NCKAP5: variants seen among roughly 807,000 people sequenced by gnomAD.
The protein encoded by NCKAP5 is nck-associated protein 5.
NCKAP5 carries 92 observed loss-of-function variants against 167.0 expected under a neutral mutation model. That is an observed-to-expected ratio of 0.55 (90% CI 0.47 to 0.66). The LOEUF is 0.66. NCKAP5 is among the 30% of genes least tolerant of loss of function. NCKAP5 has a pLI of 0.00. For synonymous variants in NCKAP5, 891 were observed against 877.4 expected (o/e 1.02, Z -0.27); for missense variants, 2,378 against 2,315.0 (o/e 1.03, Z -0.56).
chr2:133,208,664 T>C (rs1471316676), intron 5 of NCKAP5, among the ~76,000 whole-genome samples: 1 of 152,192 alleles, frequency 6.6e-6, no homozygotes, highest in Non-Finnish European at 1.5e-5. Context: ...GGATAAAGCA[T>C]GGACTTCATT....
rs1459616292 is a variant in NCKAP5, at chr2:132,784,952, A to G, written c.1859T>C (p.Leu620Pro). The change falls in exon 14 of 20, where the codon CTT becomes CCT. Residue 620 changes from leucine (L) to proline (P), a missense_variant. This residue lies in a region of NCKAP5 where 1,049 missense variants were observed against 1,023.4 expected (regional missense o/e 1.02). Transcript: ENST00000409261. ...TDKSVENLDVLVGFGKSLCGS... is the reference protein window; with the variant it reads ...TDKSVENLDVPVGFGKSLCGS... ...ACATAGAGATTTTCCAAACCCCACA[A>G]GGACATCCAGGTTCTCCACGGACTT... 3 of 1,609,168 alleles carry G rather than the reference A, an allele frequency of 1.9e-6. No homozygotes were observed. Among genetic ancestry groups the G allele is most frequent in the African/African-American group, 1.3e-5 (1 of 74,726 alleles).
In NCKAP5 at chr2:132,845,293, T is replaced by C. The variant is rs77401063; in HGVS notation, c.807+15199A>G. Among the ~76,000 whole-genome samples, 499 of 152,298 alleles carry C rather than the reference T, an allele frequency of 3.3e-3. 2 individuals are homozygous for C. Among genetic ancestry groups the C allele is most frequent in the African/African-American group, 0.011 (455 of 41,566 alleles). ...TAGAATATTTGATCAACCAAAATTT[T>C]AAAATTTTGATTTAGTCAAACAGTC... On this transcript the variant is annotated intron_variant, in intron 11 of 19. Coordinates refer to ENST00000409261, the MANE Select transcript of NCKAP5 (RefSeq NM_207363.3).
At position 133,308,292 on chromosome 2, in the gene NCKAP5, T is replaced by G. The variant is rs181910624; in HGVS notation, c.70-5182A>C. Among the ~76,000 whole-genome samples, 467 of 151,000 alleles carry G rather than the reference T, an allele frequency of 3.1e-3. 3 individuals are homozygous for G. The highest frequency in any genetic ancestry group is 0.011 in the African/African-American group (443 of 41,244). On this transcript the variant is annotated intron_variant, in intron 3 of 19. Coordinates refer to ENST00000409261, the MANE Select transcript of NCKAP5 (RefSeq NM_207363.3). The stretch of plus-strand genomic sequence containing the variant: ...TTTAGTAGAGACGGGGTTTCACCAT[T>G]TTAGCCGGGATGGTCTCGATCTCCT...
chr2:133,124,959 T>C (rs546092745), intron 6 of NCKAP5, among the ~76,000 whole-genome samples: 2 of 152,288 alleles, frequency 1.3e-5, no homozygotes, highest in East Asian at 3.9e-4. Context: ...GGTGTGAGGA[T>C]GGTTTGAGCC....
the NCKAP5 span, among the ~76,000 whole-genome samples, chr2:133,659,011 A>G: frequency 3.3e-4 from 50 of 152,228 alleles, no homozygotes; most frequent in East Asian, 8.3e-3. Context: ...TTAAAAATTT[A>G]AAGGCATCAG....
chr2:132,779,339 C>T (rs575448083), intron 15 of NCKAP5, among the ~76,000 whole-genome samples: 2 of 152,178 alleles, frequency 1.3e-5, no homozygotes, highest in South Asian at 2.1e-4. Context: ...GCTGTCAGGA[C>T]CATATTAAAT....
intron 5 of NCKAP5, among the ~76,000 whole-genome samples, chr2:133,188,923 A>G (rs2085078237): frequency 1.3e-5 from 2 of 152,312 alleles, no homozygotes; most frequent in Admixed American, 6.5e-5. Context: ...ACGGCAAGTA[A>G]TAACTAAGAT....
At chr2:133,621,676 C>T in the NCKAP5 span, among the ~76,000 whole-genome samples, 1 of 152,074 alleles carries the variant, frequency 6.6e-6, no homozygotes, top group Non-Finnish European at 1.5e-5. Context: ...CAGGACCAGA[C>T]AGATTCACAG....
upstream of NCKAP5, among the ~76,000 whole-genome samples, chr2:133,572,631 G>A (rs1297734679): frequency 2.6e-5 from 4 of 152,194 alleles, no homozygotes; most frequent in Non-Finnish European, 1.5e-5. Flanking sequence ...TGCAGTACCT[G>A]TGTCTTCTCC....
chr2:132,728,797 A>G lies in NCKAP5; in HGVS notation c.5580+19T>C, dbSNP rs200522492. On this transcript the variant is annotated intron_variant, in intron 18 of 19. Coordinates refer to ENST00000409261, the MANE Select transcript of NCKAP5 (RefSeq NM_207363.3). ...GACCAACAGGTGGATTGCACCCTTC[A>G]CCTCCCCCGACCCCTCACCTGGGTC... 162 of 1,612,090 alleles carry G rather than the reference A, an allele frequency of 1.0e-4. 1 individual carries two copies. In the Admixed American group the frequency reaches 1.3e-3, roughly 13 times the overall value.
In NCKAP5 at chr2:133,160,271, G is replaced by A. The variant is rs540423874; in HGVS notation, c.208-30160C>T. Among the ~76,000 whole-genome samples, 8 of 152,084 alleles carry A rather than the reference G, an allele frequency of 5.3e-5. No homozygotes were observed. The South Asian group carries it at 1.7e-3, about 32-fold the overall frequency. On this transcript the variant is annotated intron_variant, in intron 5 of 19. Transcript: ENST00000409261. Reference sequence around the variant, plus strand: ...CTCCTAGCTTCCAGTGGGTTCCTGAGCTTAGCAGCATGACTCCAATCTTCA... The same window carrying A: ...CTCCTAGCTTCCAGTGGGTTCCTGAACTTAGCAGCATGACTCCAATCTTCA...
chr2:133,033,406 G>A (rs1327351759), intron 6 of NCKAP5, among the ~76,000 whole-genome samples: 1 of 152,124 alleles, frequency 6.6e-6, no homozygotes, highest in Non-Finnish European at 1.5e-5. Flanking sequence ...AATAAGCCCA[G>A]ACAGTAAAGA....
chr2:132,792,059 GTTTT>G (rs1684117942), intron 12 of NCKAP5, among the ~76,000 whole-genome samples: 1 of 152,046 alleles, frequency 6.6e-6, no homozygotes, highest in Non-Finnish European at 1.5e-5. Context: ...GTTTTGTTTT[GTTTT>G]GTTTTTCAGA....
At chr2:133,312,589 C>T (rs554416021) in intron 3 of NCKAP5, among the ~76,000 whole-genome samples, 8 of 152,190 alleles carry the variant, frequency 5.3e-5, no homozygotes, top group African/African-American at 1.4e-4. Flanking sequence ...CTTCCCCTGG[C>T]CAGAAACGGT....
intron 7 of NCKAP5, among the ~76,000 whole-genome samples, chr2:132,971,010 C>T (rs1383283186): frequency 6.6e-6 from 1 of 152,208 alleles, no homozygotes; most frequent in African/African-American, 2.4e-5. Context: ...ATTCATTAAT[C>T]AAGCTATTCA....
At chr2:133,116,724 A>G (rs1193171825) in intron 6 of NCKAP5, among the ~76,000 whole-genome samples, 1 of 152,218 alleles carries the variant, frequency 6.6e-6, no homozygotes, top group Non-Finnish European at 1.5e-5. Context: ...CAACAGGAAG[A>G]GAACCCTTAA....
chr2:132,888,151 T>C (rs1249434891), intron 8 of NCKAP5, among the ~76,000 whole-genome samples: 2 of 152,178 alleles, frequency 1.3e-5, no homozygotes, highest in African/African-American at 4.8e-5. Flanking sequence ...ACTATAGCTA[T>C]GGGTGGAAAT....
intron 3 of NCKAP5, among the ~76,000 whole-genome samples, chr2:133,347,062 C>T (rs1684026601): frequency 6.6e-6 from 1 of 152,166 alleles, no homozygotes; most frequent in Non-Finnish European, 1.5e-5. Context: ...AACCTTACTC[C>T]CTGATTTGTG....
rs184801780 is a variant in NCKAP5 at position 132,871,732 on chromosome 2, C to T, written c.649-2758G>A. Among the ~76,000 whole-genome samples the T allele has an allele frequency of 1.7e-4, 26 of 152,306 alleles. No individual in the cohort carries two copies. In the East Asian group the frequency reaches 4.6e-3, roughly 27 times the overall value. On this transcript the variant is annotated intron_variant, in intron 9 of 19. Coordinates refer to ENST00000409261, the MANE Select transcript of NCKAP5 (RefSeq NM_207363.3). ...CTCTTGAAAGCTGAACAAAGATACA[C>T]GAATGCCTTATTTCTTTACCTACTG...
Sources: gnomAD v4.1 joint callset for allele counts (sites outside exome capture counted in the v4.1 genomes callset) on GRCh38, gnomAD v4.1.1 for gene constraint, gnomAD v4.1.1 regional missense constraint, MANE v1.5 for transcripts, NCBI Gene and HGNC (gene_info 2026-07-23, HGNC 2026-07-21) for gene names.